Variants in LYPLAL1 observed in about 807,000 individuals in gnomAD.
LYPLAL1 encodes the protein lysophospholipase like 1.
In LYPLAL1, 23 loss-of-function variants were observed where a neutral mutation model predicts 19.7. The observed-to-expected ratio is 1.17, with a 90% confidence interval of 0.84 to 1.65. The LOEUF is 1.65. Among genes scored for constraint, LYPLAL1 ranks in the 40% most tolerant of loss-of-function variants. LYPLAL1 has a pLI of 0.00. For synonymous variants in LYPLAL1, 119 were observed against 96.3 expected (o/e 1.24, Z -1.38); for missense variants, 355 against 279.4 (o/e 1.27, Z -1.93).
chr1:219,346,742 T>TG, the LYPLAL1 span, among the ~76,000 whole-genome samples: 1 of 151,966 alleles, frequency 6.6e-6, no homozygotes, highest in East Asian at 1.9e-4. Flanking sequence ...GCCCCATAAG[T>TG]GGGGGGCCAT....
At chr1:219,235,187 A>T in the LYPLAL1 span, among the ~76,000 whole-genome samples, 1 of 152,202 alleles carries the variant, frequency 6.6e-6, no homozygotes, top group African/African-American at 2.4e-5. Context: ...GGCTGACAAG[A>T]CACTTTGCAG....
the LYPLAL1 span, among the ~76,000 whole-genome samples, chr1:219,381,312 G>C: frequency 1.3e-5 from 2 of 152,078 alleles, no homozygotes. Context: ...CTCCCCAGCT[G>C]TGCGAAACTG....
At chr1:219,297,085 C>G in the LYPLAL1 span, among the ~76,000 whole-genome samples, 26 of 152,294 alleles carry the variant, frequency 1.7e-4, no homozygotes, top group African/African-American at 6.0e-4. Context: ...TCTTTATAGT[C>G]CAAACTGATG....
chr1:219,389,050 G>A, the LYPLAL1 span, among the ~76,000 whole-genome samples: 1 of 152,196 alleles, frequency 6.6e-6, no homozygotes, highest in East Asian at 1.9e-4. Flanking sequence ...TATTTAAGTA[G>A]GCCATAAATC....
chr1:219,217,819 A>T (rs1659348722), downstream of LYPLAL1, among the ~76,000 whole-genome samples: 1 of 152,062 alleles, frequency 6.6e-6, no homozygotes, highest in Non-Finnish European at 1.5e-5. Context: ...TAAGGCCAGG[A>T]AGTTGAAGTA....
At chr1:219,406,879 G>A in the LYPLAL1 span, among the ~76,000 whole-genome samples, 1 of 152,204 alleles carries the variant, frequency 6.6e-6, no homozygotes, top group Non-Finnish European at 1.5e-5. Flanking sequence ...TTAGTGGGGA[G>A]TGTGTTCAGC....
chr1:219,336,600 A>G, the LYPLAL1 span, among the ~76,000 whole-genome samples: 2 of 151,988 alleles, frequency 1.3e-5, no homozygotes, highest in East Asian at 3.9e-4. Context: ...CAGCAAAAGT[A>G]CAAAGTCCTT....
chr1:219,184,784 C>A (rs897988018), intron 2 of LYPLAL1, among the ~76,000 whole-genome samples: 2 of 151,706 alleles, frequency 1.3e-5, no homozygotes, highest in African/African-American at 4.8e-5. Flanking sequence ...TGGGATAAAC[C>A]CTTTTGTAAT....
At chr1:219,234,539 T>G in the LYPLAL1 span, among the ~76,000 whole-genome samples, 1 of 152,072 alleles carries the variant, frequency 6.6e-6, no homozygotes, top group Admixed American at 6.5e-5. Context: ...ATGTTAAAAT[T>G]TATATTTAGA....
At chr1:219,420,749 A>G in the LYPLAL1 span, among the ~76,000 whole-genome samples, 2 of 152,232 alleles carry the variant, frequency 1.3e-5, no homozygotes, top group African/African-American at 2.4e-5. Flanking sequence ...AAACAAAGGC[A>G]TAATAATTAG....
At chr1:219,424,300 A>G in the LYPLAL1 span, among the ~76,000 whole-genome samples, 8 of 152,174 alleles carry the variant, frequency 5.3e-5, no homozygotes, top group Non-Finnish European at 1.5e-5. Context: ...AGTCAAATAT[A>G]TTAGGCTCTG....
rs927810962 is a variant in LYPLAL1 at position 219,212,466 on chromosome 1, G to A, written c.*738G>A. ...ACACTCAATAAAGATTAACCATAAG[G>A]AGAGTCATGATCTGGTTCCAGGAAT... is the stretch of plus-strand genomic sequence containing the variant. On this transcript the variant is annotated 3_prime_UTR_variant, in exon 5 of 5. Transcript: ENST00000366928. 6.6e-6 allele frequency: 1 copy of A among 151,914 alleles called. No individual in the cohort carries two copies. Among genetic ancestry groups the A allele is most frequent in the Non-Finnish European group, 1.5e-5 (1 of 67,912 alleles). 9.4% of individuals were successfully genotyped at this position (151,914 alleles called of 1,614,324 possible). A position where few individuals can be genotyped will look rare whatever the true frequency, so the allele number is the denominator to read the frequency against.
chr1:219,236,950 C>G, the LYPLAL1 span, among the ~76,000 whole-genome samples: 1 of 151,792 alleles, frequency 6.6e-6, no homozygotes, highest in African/African-American at 2.4e-5. Context: ...GTTCCCCTCC[C>G]TGTGTCCATG....
the LYPLAL1 span, among the ~76,000 whole-genome samples, chr1:219,400,171 C>T: frequency 6.6e-6 from 1 of 152,172 alleles, no homozygotes; most frequent in Non-Finnish European, 1.5e-5. Flanking sequence ...CCAGCTTCTG[C>T]ATCTTCCCTC....
chr1:219,308,707 G>A, the LYPLAL1 span, among the ~76,000 whole-genome samples: 1 of 152,192 alleles, frequency 6.6e-6, no homozygotes, highest in Admixed American at 6.5e-5. Flanking sequence ...CAAGAATTGG[G>A]TTTTGGGAAC....
At chr1:219,297,054 T>TG in the LYPLAL1 span, among the ~76,000 whole-genome samples, 1 of 152,240 alleles carries the variant, frequency 6.6e-6, no homozygotes, top group Non-Finnish European at 1.5e-5. Context: ...CATATAAACC[T>TG]GGGCACCCTC....
chr1:219,390,468 A>G, the LYPLAL1 span, among the ~76,000 whole-genome samples: 4 of 152,182 alleles, frequency 2.6e-5, no homozygotes, highest in Admixed American at 1.3e-4. Flanking sequence ...TTTTCCATCT[A>G]TTCTTCTGAG....
intron 2 of LYPLAL1, among the ~76,000 whole-genome samples, chr1:219,184,198 CT>C (rs1233671898): frequency 6.6e-6 from 1 of 151,724 alleles, no homozygotes; most frequent in Non-Finnish European, 1.5e-5. Context: ...TTACTTAGGT[CT>C]TTATTAATTT....
the LYPLAL1 span, chr1:219,222,316 C>G: frequency 6.6e-6 from 1 of 152,116 alleles, no homozygotes. Flanking sequence ...TCTCACACTT[C>G]AGGGCATCAA....
Sources: allele counts gnomAD v4.1 joint callset (sites outside exome capture counted in the v4.1 genomes callset), GRCh38; gene constraint gnomAD v4.1.1; transcripts MANE v1.5; gene names NCBI Gene and HGNC (gene_info 2026-07-23, HGNC 2026-07-21).